The following LIMS1 variants were observed in gnomAD, a reference collection of about 807,000 sequenced individuals.
LIMS1 encodes LIM and senescent cell antigen-like-containing domain protein 1.
A neutral mutation model predicts 44.1 loss-of-function variants in LIMS1; 18 were observed. The ratio of observed to expected loss-of-function variants is 0.41; its 90% CI spans 0.28 to 0.61. The LOEUF is 0.61. Among genes scored for constraint, LIMS1 ranks in the 20% least tolerant of loss-of-function variants. LIMS1 has a pLI of 0.32. For synonymous variants in LIMS1, 93 were observed against 149.1 expected (o/e 0.62, Z 2.74); for missense variants, 201 against 422.0 (o/e 0.48, Z 4.59).
intron 1 of LIMS1, among the ~76,000 whole-genome samples, chr2:108,614,791 A>G (rs1371505056): frequency 6.6e-6 from 1 of 152,198 alleles, no homozygotes. Context: ...GGTAAAAACA[A>G]TTTTGAAGTG....
At chr2:108,591,939 C>T (rs56286981) in intron 1 of LIMS1, among the ~76,000 whole-genome samples, 54,853 of 151,616 alleles carry the variant, frequency 0.36, 11,779 homozygotes, top group East Asian at 0.89. Context: ...GAATTACAGG[C>T]ACGCACCACC....
intron 1 of LIMS1, among the ~76,000 whole-genome samples, chr2:108,536,089 G>T (rs1469539882): frequency 2.0e-5 from 3 of 152,204 alleles, no homozygotes; most frequent in African/African-American, 7.2e-5. Flanking sequence ...TAACGGATAT[G>T]TAGTGTAATA....
intron 1 of LIMS1, among the ~76,000 whole-genome samples, chr2:108,592,732 A>C (rs1312444109): frequency 6.6e-6 from 1 of 152,178 alleles, no homozygotes; most frequent in Non-Finnish European, 1.5e-5. Context: ...TTTAAATTTT[A>C]CTTCTGCCAT....
intron 1 of LIMS1, among the ~76,000 whole-genome samples, chr2:108,617,783 TAGAAAGTGAGAGGAAGCACA>T (rs1228191611): frequency 5.3e-5 from 8 of 152,114 alleles, no homozygotes; most frequent in Non-Finnish European, 1.0e-4. Context: ...GTGCAAAGGC[TAGAAAGTGAGAGGAAGCACA>T]GTCTGTCTGG....
In LIMS1 at chr2:108,578,677, T is replaced by A. The variant is rs577471162; in HGVS notation, c.32+44083T>A. ...GGCACGATCTCAGCTCACTGCAAGC[T>A]CCACCTCCCAGGTTCACGCCATTCT... On this transcript the variant is annotated intron_variant, in intron 1 of 9. Coordinates refer to ENST00000544547, the Ensembl canonical transcript of LIMS1. Among the ~76,000 whole-genome samples, 119 of 140,354 alleles carry A rather than the reference T, an allele frequency of 8.5e-4. 1 individual carries two copies. The highest frequency in any genetic ancestry group is 2.8e-3 in the African/African-American group (106 of 38,316). 92.1% of individuals were successfully genotyped at this position (140,354 alleles called of 152,430 possible).
At chr2:108,547,935 G>C (rs1684541125) in intron 1 of LIMS1, among the ~76,000 whole-genome samples, 1 of 152,206 alleles carries the variant, frequency 6.6e-6, no homozygotes, top group Admixed American at 6.5e-5. Context: ...CAAATGAGCA[G>C]CCTTTTGTTT....
At chr2:108,572,878 G>T (rs1685531557) in intron 1 of LIMS1, among the ~76,000 whole-genome samples, 1 of 152,182 alleles carries the variant, frequency 6.6e-6, no homozygotes, top group African/African-American at 2.4e-5. Flanking sequence ...CTGTCATCCA[G>T]GTCTCTCTTG....
At chr2:108,634,876 A>G (rs796949964) in intron 1 of LIMS1, among the ~76,000 whole-genome samples, 6 of 152,364 alleles carry the variant, frequency 3.9e-5, no homozygotes, top group African/African-American at 1.4e-4. Flanking sequence ...ATCTTCAAGA[A>G]GAACAAAAGT....
At chr2:108,662,114 AG>A in intron 2 of LIMS1, 1 of 1,597,096 alleles carries the variant, frequency 6.3e-7, no homozygotes, top group Non-Finnish European at 8.6e-7. Flanking sequence ...AGAAAAAGAC[AG>A]GCTTTGTTTT....
Position 108,604,362 on chromosome 2 carries a change from G to A in LIMS1, c.33-55243G>A, listed in dbSNP as rs140511929. Among the ~76,000 whole-genome samples, 856 of 152,224 alleles carry A rather than the reference G, an allele frequency of 5.6e-3. 10 individuals are homozygous for A. The highest frequency in any genetic ancestry group is 6.4e-3 in the Non-Finnish European group (435 of 68,022). ...TTGTTTGTGGCTGCTTTTGAACCAC[G>A]AGGGCAGGGTTGACTAGTCACCACA... On this transcript the variant is annotated intron_variant, in intron 1 of 9. Transcript: ENST00000544547.
At chr2:108,591,798 T>G (rs765120356) in intron 1 of LIMS1, among the ~76,000 whole-genome samples, 2 of 54,518 alleles carry the variant, frequency 3.7e-5, no homozygotes, top group Non-Finnish European at 8.9e-5. Flanking sequence ...AGTTTTTTTT[T>G]TTGTTTTTTT....
intron 1 of LIMS1, among the ~76,000 whole-genome samples, chr2:108,572,056 G>A (rs1212073765): frequency 1.3e-5 from 2 of 152,132 alleles, no homozygotes; most frequent in Non-Finnish European, 2.9e-5. Context: ...TGCATGTTGA[G>A]CTTATGTCTA....
intron 1 of LIMS1, among the ~76,000 whole-genome samples, chr2:108,612,005 C>CATATATAAA (rs1553459837): frequency 7.4e-6 from 1 of 135,072 alleles, no homozygotes; most frequent in Non-Finnish European, 1.5e-5. Flanking sequence ...TATATATACA[C>CATATATAAA]ACATATATAT....
At chr2:108,550,673 G>A (rs1471377393) in intron 1 of LIMS1, among the ~76,000 whole-genome samples, 7 of 151,084 alleles carry the variant, frequency 4.6e-5, no homozygotes, top group Non-Finnish European at 7.4e-5. Context: ...AAAATTAGTC[G>A]GGCGTCGTGG....
chr2:108,612,015 T>C (rs1687671768), intron 1 of LIMS1, among the ~76,000 whole-genome samples: 1 of 68,732 alleles, frequency 1.5e-5, no homozygotes, highest in Non-Finnish European at 3.2e-5. Flanking sequence ...CACATATATA[T>C]ATACACACAC....
intron 1 of LIMS1, among the ~76,000 whole-genome samples, chr2:108,614,001 G>A (rs1280025461): frequency 6.6e-6 from 1 of 152,046 alleles, no homozygotes; most frequent in African/African-American, 2.4e-5. Context: ...CAGGCTCCAC[G>A]AGGCCACTGA....
chr2:108,624,693 G>A (rs1688458050), intron 1 of LIMS1, among the ~76,000 whole-genome samples: 1 of 152,174 alleles, frequency 6.6e-6, no homozygotes, highest in African/African-American at 2.4e-5. Flanking sequence ...GGAGACAGAG[G>A]TTGCAGTGAG....
At chr2:108,679,991 G>A (rs1410774639) in intron 8 of LIMS1, among the ~76,000 whole-genome samples, 2 of 152,116 alleles carry the variant, frequency 1.3e-5, no homozygotes, top group East Asian at 1.9e-4. Context: ...TTGGGAGACC[G>A]AGGCAGGTAG....
At chr2:108,632,644 C>T (rs1688998588) in intron 1 of LIMS1, among the ~76,000 whole-genome samples, 1 of 152,140 alleles carries the variant, frequency 6.6e-6, no homozygotes, top group African/African-American at 2.4e-5. Context: ...GCCTCTCTGC[C>T]TCCTCAGCTT....
Sources: gnomAD v4.1 joint callset for allele counts (sites outside exome capture counted in the v4.1 genomes callset) on GRCh38, gnomAD v4.1.1 for gene constraint, MANE v1.5 for transcripts, NCBI Gene and HGNC (gene_info 2026-07-23, HGNC 2026-07-21) for gene names.